WWOX: variants seen among roughly 807,000 people sequenced by gnomAD.
WWOX encodes the protein WW domain-containing oxidoreductase.
WWOX carries 69 observed loss-of-function variants against 46.2 expected under a neutral mutation model. The ratio of observed to expected loss-of-function variants is 1.49; its 90% CI spans 1.23 to 1.82. The LOEUF (loss-of-function observed/expected upper bound fraction) is 1.82. Among genes scored for constraint, WWOX ranks in the 40% most tolerant of loss-of-function variants. The pLI is 0.00. For missense variants in WWOX, 919 were observed against 542.6 expected, an observed-to-expected ratio of 1.69 and a Z score of -6.89; for synonymous variants, 359 against 202.6, an observed-to-expected ratio of 1.77 and a Z score of -6.56.
intron 5 of WWOX, among the ~76,000 whole-genome samples, chr16:78,318,318 AGT>A (rs2080396212): frequency 7.1e-6 from 1 of 139,970 alleles, no homozygotes; most frequent in African/African-American, 2.7e-5. Context: ...GTTCTAGAAA[AGT>A]GTTGGTTTTG....
intron 5 of WWOX, among the ~76,000 whole-genome samples, chr16:78,351,075 T>C (rs570077844): frequency 6.6e-6 from 1 of 152,230 alleles, no homozygotes; most frequent in Non-Finnish European, 1.5e-5. Context: ...TTCATATGAT[T>C]ATTGGATGGA....
intron 5 of WWOX, among the ~76,000 whole-genome samples, chr16:78,385,162 A>ACACACACACACACAG (rs1567540757): frequency 3.3e-5 from 1 of 30,750 alleles, no homozygotes; most frequent in Non-Finnish European, 7.7e-5. Flanking sequence ...CACACACACA[A>ACACACACACACACAG]AAGCACAGGG....
At chr16:79,120,458 A>G (rs1025923990) in intron 8 of WWOX, among the ~76,000 whole-genome samples, 3 of 152,180 alleles carry the variant, frequency 2.0e-5, no homozygotes, top group Non-Finnish European at 4.4e-5. Flanking sequence ...AAGAGCCCCC[A>G]TTAGCAGCAA....
chr16:78,700,786 T>A (rs1163436428), intron 8 of WWOX, among the ~76,000 whole-genome samples: 1 of 152,236 alleles, frequency 6.6e-6, no homozygotes, highest in Admixed American at 6.5e-5. Flanking sequence ...TGCTTGGCAC[T>A]GAGCGGGTGC....
intron 8 of WWOX, among the ~76,000 whole-genome samples, chr16:78,443,517 C>T (rs1011080010): frequency 1.3e-5 from 2 of 152,096 alleles, no homozygotes; most frequent in African/African-American, 2.4e-5. Flanking sequence ...CTAGATCTGC[C>T]TTTGTGAGGC....
chr16:78,160,565 G>T (rs559878352), intron 4 of WWOX, among the ~76,000 whole-genome samples: 4 of 152,102 alleles, frequency 2.6e-5, no homozygotes, highest in Admixed American at 6.5e-5. Context: ...GAGCCATAAT[G>T]TCTTATTTAT....
intron 8 of WWOX, among the ~76,000 whole-genome samples, chr16:78,626,646 T>C (rs923833174): frequency 6.6e-6 from 1 of 152,176 alleles, no homozygotes; most frequent in Non-Finnish European, 1.5e-5. Flanking sequence ...CCCTCTACTT[T>C]CCACACTGCT....
rs1180624590 is a variant in WWOX at position 78,323,606 on chromosome 16, G to A, written c.517-63254G>A. On this transcript the variant is annotated intron_variant, in intron 5 of 8. Transcript: ENST00000566780. ...CTGAGCTGTCCTCTAAGTGAATCATGCCCACTATTTGGTTGTGAGGCTGTG... is the reference window on the plus strand; with the variant it reads ...CTGAGCTGTCCTCTAAGTGAATCATACCCACTATTTGGTTGTGAGGCTGTG... Among the ~76,000 whole-genome samples, 8 of 152,260 alleles carry A rather than the reference G, an allele frequency of 5.3e-5. No homozygotes were observed. In the East Asian group the frequency reaches 1.4e-3, roughly 26 times the overall value.
chr16:78,189,356 C>G (rs944027693), intron 5 of WWOX, among the ~76,000 whole-genome samples: 3 of 152,188 alleles, frequency 2.0e-5, no homozygotes, highest in Admixed American at 1.3e-4. Context: ...GCCGTGGGCA[C>G]TTTGGTGCTC....
intron 8 of WWOX, among the ~76,000 whole-genome samples, chr16:78,632,571 T>TTTTTTTTTTA (rs2046460453): frequency 7.1e-6 from 1 of 140,862 alleles, no homozygotes; most frequent in African/African-American, 2.7e-5. Context: ...TTTTTTTTTT[T>TTTTTTTTTTA]TTTTTTTGGT....
chr16:78,445,874 T>C (rs1291021040), intron 8 of WWOX, among the ~76,000 whole-genome samples: 1 of 138,342 alleles, frequency 7.2e-6, no homozygotes, highest in Non-Finnish European at 1.6e-5. Flanking sequence ...CAAGGCTCTG[T>C]CTTGGGGCGG....
At chr16:78,578,276 A>ATTTTT (rs2044948523) in intron 8 of WWOX, among the ~76,000 whole-genome samples, 8 of 32,926 alleles carry the variant, frequency 2.4e-4, no homozygotes, top group East Asian at 2.2e-3. Flanking sequence ...ATATATATAT[A>ATTTTT]TATATATATT....
At chr16:78,562,986 C>CT (rs34502877) in intron 8 of WWOX, among the ~76,000 whole-genome samples, 137 of 147,148 alleles carry the variant, frequency 9.3e-4, no homozygotes, top group East Asian at 5.4e-3. Context: ...TACAGATGTT[C>CT]TTTTTTTTTT....
chr16:78,874,459 CG>C (rs2044192947), intron 8 of WWOX, among the ~76,000 whole-genome samples: 1 of 151,864 alleles, frequency 6.6e-6, no homozygotes, highest in Non-Finnish European at 1.5e-5. Flanking sequence ...CCAACTGGGT[CG>C]ATTTCAAAAA....
intron 5 of WWOX, among the ~76,000 whole-genome samples, chr16:78,315,190 T>G (rs957166351): frequency 1.4e-4 from 22 of 152,334 alleles, no homozygotes; most frequent in African/African-American, 5.3e-4. Flanking sequence ...AAAGTAGAAT[T>G]TTCCCTGAAA....
intron 8 of WWOX, among the ~76,000 whole-genome samples, chr16:78,458,703 C>A: frequency 6.6e-6 from 1 of 151,996 alleles, no homozygotes; most frequent in East Asian, 1.9e-4. Context: ...GGAAGATAAT[C>A]TGACATTTAA....
chr16:78,510,121 G>T (rs966786047), intron 8 of WWOX, among the ~76,000 whole-genome samples: 1 of 152,036 alleles, frequency 6.6e-6, no homozygotes, highest in African/African-American at 2.4e-5. Context: ...TATTCCTTCA[G>T]TGTATTAGTA....
intron 1 of WWOX, among the ~76,000 whole-genome samples, chr16:78,103,331 C>T (rs536796797): frequency 3.5e-4 from 53 of 151,254 alleles, no homozygotes; most frequent in African/African-American, 9.7e-4. Flanking sequence ...ATAAGTAAAC[C>T]TGTGCCATGG....
chr16:78,849,751 C>G (rs1230803782), intron 8 of WWOX, among the ~76,000 whole-genome samples: 1 of 151,820 alleles, frequency 6.6e-6, no homozygotes, highest in Non-Finnish European at 1.5e-5. Flanking sequence ...ATTGTTCTTA[C>G]CTGAGCCAAA....
Sources: allele counts gnomAD v4.1 joint callset (sites outside exome capture counted in the v4.1 genomes callset), GRCh38; gene constraint gnomAD v4.1.1; transcripts MANE v1.5; gene names NCBI Gene and HGNC (gene_info 2026-07-23, HGNC 2026-07-21).